Variants in FAM241A observed in about 807,000 individuals in gnomAD.
FAM241A encodes family with sequence similarity 241 member A.
A neutral mutation model predicts 12.2 loss-of-function variants in FAM241A; 7 were observed. That is an observed-to-expected ratio of 0.58 (90% CI 0.33 to 1.08). FAM241A has a LOEUF of 1.08. FAM241A is among the 50% of genes least tolerant of loss of function. The pLI is 0.04. For missense variants in FAM241A, 161 were observed against 169.7 expected (o/e 0.95, Z 0.29); for synonymous variants, 74 against 68.2 (o/e 1.08, Z -0.42).
rs568891634 is a variant in FAM241A, at chr4:112,146,936, A to G, written c.153+1203A>G. ...CCCTTCCTAGTGGTTTTTCCCGTTAACTATTCATTTGCTCAAGGGCTTGAT... is the reference window on the plus strand; with the variant it reads ...CCCTTCCTAGTGGTTTTTCCCGTTAGCTATTCATTTGCTCAAGGGCTTGAT... On this transcript the variant is annotated intron_variant, in intron 1 of 1. Transcript: ENST00000309733. Among the ~76,000 whole-genome samples, 247 of 152,330 alleles carry G rather than the reference A, an allele frequency of 1.6e-3. 1 individual carries two copies. Among genetic ancestry groups the G allele is most frequent in the Non-Finnish European group, 2.7e-3 (181 of 68,036 alleles).
At chr4:112,163,076 TA>T (rs1258294127) in intron 1 of FAM241A, among the ~76,000 whole-genome samples, 2 of 152,298 alleles carry the variant, frequency 1.3e-5, no homozygotes, top group African/African-American at 4.8e-5. Context: ...TCCTATTGAA[TA>T]AATGGTGCTG....
At position 112,183,785 on chromosome 4, in the gene FAM241A, G is replaced by T. The variant is rs1024089185; in HGVS notation, c.154-2908G>T. On this transcript the variant is annotated intron_variant, in intron 1 of 1. Transcript: ENST00000309733. ...TGCTGAACACTGGAGAAATAGAGAGGGATGAGGGATCAGCAGAATTACATA... is the reference window on the plus strand; with the variant it reads ...TGCTGAACACTGGAGAAATAGAGAGTGATGAGGGATCAGCAGAATTACATA... Among the ~76,000 whole-genome samples, 5 of 151,990 alleles carry T rather than the reference G, an allele frequency of 3.3e-5. No homozygotes were observed. The East Asian group carries it at 9.7e-4, about 29-fold the overall frequency.
At chr4:112,147,102 T>A (rs1477148629) in intron 1 of FAM241A, among the ~76,000 whole-genome samples, 1 of 152,220 alleles carries the variant, frequency 6.6e-6, no homozygotes, top group East Asian at 1.9e-4. Flanking sequence ...TAAAAATACT[T>A]CATTTAAGCT....
intron 1 of FAM241A, among the ~76,000 whole-genome samples, chr4:112,170,309 G>T (rs1375144090): frequency 6.6e-6 from 1 of 152,136 alleles, no homozygotes; most frequent in Non-Finnish European, 1.5e-5. Flanking sequence ...GCCTGAAATT[G>T]ATGATAGTAC....
intron 1 of FAM241A, among the ~76,000 whole-genome samples, chr4:112,152,356 T>C (rs1325264140): frequency 2.0e-5 from 3 of 152,140 alleles, no homozygotes; most frequent in Non-Finnish European, 2.9e-5. Context: ...TGGCACAAAA[T>C]TTCAATAGTG....
At position 112,190,283 on chromosome 4, in the gene FAM241A, CAT is replaced by C. The variant is rs1367162209; in HGVS notation, c.*3347_*3348del. ...GCAATCAAAGGCTATTCGTGTGGTT[CAT>C]AGATTGTTTTAATAGTTATTTTACA... On this transcript the variant is annotated 3_prime_UTR_variant, in exon 2 of 2. Transcript: ENST00000309733. 1 of 152,074 alleles carries C rather than the reference CAT, an allele frequency of 6.6e-6. No individual in the cohort carries two copies. Among genetic ancestry groups the C allele is most frequent in the Non-Finnish European group, 1.5e-5 (1 of 68,010 alleles). The allele number at this position is 152,074 out of a possible 1,614,324, so 9.4% of individuals were successfully genotyped here. A position where few individuals can be genotyped will look rare whatever the true frequency, so the allele number is the denominator to read the frequency against.
intron 1 of FAM241A, among the ~76,000 whole-genome samples, chr4:112,169,228 C>T (rs1372931655): frequency 6.6e-6 from 1 of 152,106 alleles, no homozygotes; most frequent in African/African-American, 2.4e-5. Context: ...AGAATCAGTC[C>T]TCATCTAGTT....
chr4:112,192,296 TTTTTAATAGACCTTTATTTACTACA>T lies in FAM241A; in HGVS notation c.*5366_*5390del. On this transcript the variant is annotated 3_prime_UTR_variant, in exon 2 of 2. Transcript: ENST00000309733. ...CCAGAACTTCACTTTTGTTCAGTAT[TTTTTAATAGACCTTTATTTACTACA>T]TTTTAATTTTTTAATTTTTTTCTTT... 1 of 152,286 alleles carries T rather than the reference TTTTTAATAGACCTTTATTTACTACA, an allele frequency of 6.6e-6. No homozygotes were observed. Among genetic ancestry groups the T allele is most frequent in the East Asian group, 1.9e-4 (1 of 5,192 alleles). 9.4% of individuals were successfully genotyped at this position (152,286 alleles called of 1,614,324 possible). A position where few individuals can be genotyped will look rare whatever the true frequency, so the allele number is the denominator to read the frequency against.
intron 1 of FAM241A, 78 bp downstream of exon 1, chr4:112,145,811 C>T (rs2110416558): frequency 1.1e-6 from 1 of 938,894 alleles, no homozygotes; most frequent in Non-Finnish European, 1.3e-6. Flanking sequence ...GGGAAGGGGC[C>T]CGGCCCGCGG....
chr4:112,186,715 A>C lies in FAM241A; in HGVS notation c.176A>C (p.His59Pro). ...AAGGATGTTGAAGACTCACAGAACCACACTGGTGAGCCGGTTGGAGATGAC... is the reference window on the plus strand; with the variant it reads ...AAGGATGTTGAAGACTCACAGAACCCCACTGGTGAGCCGGTTGGAGATGAC... ...SEQDVEDSQN[H>P]TGEPVGDDYK... The change falls in exon 2 of 2, where the codon CAC becomes CCC. Residue 59 changes from histidine to proline, a missense_variant. Physicochemically the swap from His to Pro is moderately conservative, Grantham distance 77 (BLOSUM62 -2). Coordinates refer to ENST00000309733, the MANE Select transcript of FAM241A (RefSeq NM_152400.3). The C allele has an allele frequency of 6.2e-7, 1 of 1,612,978 alleles. No individual in the cohort carries two copies. The highest frequency in any genetic ancestry group is 8.5e-7 in the Non-Finnish European group (1 of 1,179,612).
chr4:112,170,783 C>G (rs1216580311), intron 1 of FAM241A, among the ~76,000 whole-genome samples: 1 of 151,504 alleles, frequency 6.6e-6, no homozygotes, highest in Admixed American at 6.6e-5. Context: ...ATAAGGGGGA[C>G]TACTGTAGTA....
At chr4:112,158,631 A>G (rs1331008849) in intron 1 of FAM241A, among the ~76,000 whole-genome samples, 2 of 152,168 alleles carry the variant, frequency 1.3e-5, no homozygotes, top group African/African-American at 4.8e-5. Flanking sequence ...GCACTATGAA[A>G]AAAAGCAGAA....
At chr4:112,156,567 G>T (rs1181630444) in intron 1 of FAM241A, among the ~76,000 whole-genome samples, 1 of 152,202 alleles carries the variant, frequency 6.6e-6, no homozygotes, top group Non-Finnish European at 1.5e-5. Flanking sequence ...TGAGCTACTA[G>T]AGATGAATCT....
intron 1 of FAM241A, among the ~76,000 whole-genome samples, chr4:112,171,922 C>T (rs1723731057): frequency 6.6e-6 from 1 of 152,072 alleles, no homozygotes; most frequent in Non-Finnish European, 1.5e-5. Flanking sequence ...ATTATTTTTG[C>T]TGATGTAAGT....
chr4:112,173,846 G>A (rs542954649), intron 1 of FAM241A, among the ~76,000 whole-genome samples: 18 of 152,276 alleles, frequency 1.2e-4, no homozygotes, highest in Admixed American at 1.2e-3. Flanking sequence ...AACCAAGGTA[G>A]GGCTTCCAGA....
intron 1 of FAM241A, among the ~76,000 whole-genome samples, chr4:112,167,092 C>T (rs1271389187): frequency 4.5e-5 from 6 of 134,698 alleles, no homozygotes; most frequent in African/African-American, 1.7e-4. Context: ...CCAGCCTGGG[C>T]GACAGAGCGA....
At chr4:112,165,935 A>ATATT (rs1723585686) in intron 1 of FAM241A, among the ~76,000 whole-genome samples, 1 of 152,136 alleles carries the variant, frequency 6.6e-6, no homozygotes, top group South Asian at 2.1e-4. Context: ...ACAAAAGTAA[A>ATATT]TGCTTGAGGG....
At position 112,145,663 on chromosome 4, in the gene FAM241A, C is replaced by A. The variant is rs1014943921; in HGVS notation, c.83C>A (p.Ala28Glu). Reference protein sequence around the residue: ...EDGDALAEREAAGTGWDPGAS... With the variant: ...EDGDALAEREEAGTGWDPGAS... ...GGGGACGCGCTGGCGGAGCGGGAGG[C>A]GGCAGGGACCGGGTGGGATCCCGGG... The change falls in exon 1 of 2, where the codon GCG (alanine) becomes GAG (glutamate). Residue 28 changes from alanine to glutamate, a missense_variant. Transcript: ENST00000309733. 1.4e-5 allele frequency: 17 copies of A among 1,214,710 alleles called. No homozygotes were observed. Among genetic ancestry groups the A allele is most frequent in the Non-Finnish European group, 1.7e-5 (17 of 976,708 alleles). 75.2% of individuals were successfully genotyped at this position (1,214,710 alleles called of 1,614,324 possible).
chr4:112,175,066 T>C (rs1055347619), intron 1 of FAM241A, among the ~76,000 whole-genome samples: 1 of 152,204 alleles, frequency 6.6e-6, no homozygotes, highest in Non-Finnish European at 1.5e-5. Flanking sequence ...TTCTGATTAG[T>C]GGTAGCTATT....
Sources: gnomAD v4.1 joint callset for allele counts (sites outside exome capture counted in the v4.1 genomes callset) on GRCh38, gnomAD v4.1.1 for gene constraint, MANE v1.5 for transcripts, NCBI Gene and HGNC (gene_info 2026-07-23, HGNC 2026-07-21) for gene names.